The following TPP2 variants were observed in gnomAD, a reference collection of about 807,000 sequenced individuals.
TPP2 encodes the protein tripeptidyl-peptidase 2.
Under a neutral mutation model 155.9 loss-of-function variants are expected in TPP2, and 34 were observed. That is an observed-to-expected ratio of 0.22 (90% CI 0.17 to 0.29). TPP2 has a LOEUF of 0.29. TPP2 is among the 10% of genes least tolerant of loss of function. The pLI, the probability that TPP2 is intolerant of heterozygous loss-of-function variation, is 1.00. For synonymous variants in TPP2, 510 were observed against 529.4 expected (o/e 0.96, Z 0.50); for missense variants, 1,028 against 1,522.3 (o/e 0.68, Z 5.40).
intron 24 of TPP2, among the ~76,000 whole-genome samples, chr13:102,655,765 T>C (rs186186610): frequency 4.6e-5 from 7 of 152,234 alleles, no homozygotes; most frequent in African/African-American, 1.7e-4. Flanking sequence ...GTCAGTAGGC[T>C]CTGTGCTGCC....
At chr13:102,605,707 T>C (rs1365316318) in intron 2 of TPP2, among the ~76,000 whole-genome samples, 4 of 151,286 alleles carry the variant, frequency 2.6e-5, no homozygotes, top group Non-Finnish European at 5.9e-5. Context: ...GTCTTTTTTT[T>C]TTTTTTAAAC....
chr13:102,628,110 G>A (rs920987499), intron 8 of TPP2, among the ~76,000 whole-genome samples, 186 bp downstream of exon 8: 6 of 152,024 alleles, frequency 3.9e-5, no homozygotes, highest in East Asian at 1.9e-4. Context: ...GCACACCCCC[G>A]TTCCTGTGTT....
At chr13:102,619,745 ACT>A (rs773569885) in intron 5 of TPP2, among the ~76,000 whole-genome samples, 13 of 152,230 alleles carry the variant, frequency 8.5e-5, no homozygotes, top group Non-Finnish European at 1.5e-4. Context: ...ACTGCACATA[ACT>A]CTTTCAATCT....
chr13:102,671,482 A>G (rs1305937816), intron 27 of TPP2, among the ~76,000 whole-genome samples: 1 of 152,206 alleles, frequency 6.6e-6, no homozygotes, highest in Non-Finnish European at 1.5e-5. Context: ...TAGGGGAGAA[A>G]CAACAGTGGC....
At chr13:102,659,408 A>G (rs1024970552) in intron 25 of TPP2, among the ~76,000 whole-genome samples, 2 of 152,186 alleles carry the variant, frequency 1.3e-5, no homozygotes, top group Non-Finnish European at 2.9e-5. Flanking sequence ...CCACAAATAG[A>G]CATAGCATGT....
Position 102,676,415 on chromosome 13 carries a change from A to G in TPP2, c.3699A>G (p.Gln1233=), listed in dbSNP as rs1311363504. Residue 1233 remains glutamine, a splice_region_variant and synonymous_variant, in exon 29 of 30, where the codon CAA becomes CAG. Coordinates refer to ENST00000376052, the MANE Select transcript of TPP2 (RefSeq NM_001330588.2). ...PTKENWKNCI[Q]LMKLLGWTHC... The stretch of plus-strand genomic sequence containing the variant: ...AAGAAAACTGGAAAAATTGTATTCA[A>G]GTAAGTGATATTTAAAATGTCACTG... 2 of 1,608,340 alleles carry G rather than the reference A, an allele frequency of 1.2e-6. No homozygotes were observed. The highest frequency in any genetic ancestry group is 1.1e-5 in the South Asian group (1 of 90,744).
rs539700775 is a variant in TPP2 at position 102,645,655 on chromosome 13, A to G, written c.2394-639A>G. On this transcript the variant is annotated intron_variant, in intron 19 of 29. Coordinates refer to ENST00000376052, the MANE Select transcript of TPP2 (RefSeq NM_001330588.2). Reference sequence around the variant, plus strand: ...CATCCAGCTTTTGAAGATATATCCAACTTATATCATCCTGATGTTTTCTTC... The same window carrying G: ...CATCCAGCTTTTGAAGATATATCCAGCTTATATCATCCTGATGTTTTCTTC... Among the ~76,000 whole-genome samples the G allele has an allele frequency of 2.6e-5, 4 of 152,350 alleles. No homozygotes were observed. The East Asian group carries it at 7.7e-4, about 29-fold the overall frequency.
At chr13:102,647,102 TA>T in intron 20 of TPP2, 104 bp from the exon 21 acceptor site, 2 of 1,337,482 alleles carry the variant, frequency 1.5e-6, no homozygotes, top group Non-Finnish European at 9.8e-7. Context: ...CAAGTATTTT[TA>T]ATGTTTTTTA....
At chr13:102,630,786 T>TA (rs1159833194) in intron 10 of TPP2, among the ~76,000 whole-genome samples, 3 of 152,250 alleles carry the variant, frequency 2.0e-5, no homozygotes, top group African/African-American at 7.2e-5. Context: ...AATTCTTCGT[T>TA]ATATCATCAG....
intron 27 of TPP2, among the ~76,000 whole-genome samples, chr13:102,670,546 A>C (rs577099479): frequency 6.6e-6 from 1 of 152,330 alleles, no homozygotes; most frequent in South Asian, 2.1e-4. Context: ...TAGGAAAAAC[A>C]AACAATTGAA....
chr13:102,666,834 C>T (rs665416), intron 27 of TPP2, among the ~76,000 whole-genome samples: 69,229 of 135,144 alleles, frequency 0.51, 17,329 homozygotes, highest in African/African-American at 0.62. Context: ...ACTATCATGG[C>T]TATTGAAATA....
chr13:102,633,416 A>G (rs890030541), intron 10 of TPP2, among the ~76,000 whole-genome samples: 2 of 152,216 alleles, frequency 1.3e-5, no homozygotes, highest in Admixed American at 1.3e-4. Flanking sequence ...CTTTGTATCT[A>G]TTAATTACAT....
chr13:102,610,785 T>C (rs529537018), intron 2 of TPP2, among the ~76,000 whole-genome samples: 1 of 152,254 alleles, frequency 6.6e-6, no homozygotes, highest in Admixed American at 6.5e-5. Flanking sequence ...AAACCTTTTA[T>C]TGCAAAATAT....
chr13:102,668,775 G>A lies in TPP2; in HGVS notation c.3371+3850G>A, dbSNP rs187274478. On this transcript the variant is annotated intron_variant, in intron 27 of 29. Coordinates refer to ENST00000376052, the MANE Select transcript of TPP2 (RefSeq NM_001330588.2). Reference sequence around the variant, plus strand: ...ACCCAAAAGAGTTGCAGTGTACAACGGAAAGCATAGCAAGGAACAAATTAT... The same window carrying A: ...ACCCAAAAGAGTTGCAGTGTACAACAGAAAGCATAGCAAGGAACAAATTAT... Among the ~76,000 whole-genome samples, 648 of 152,272 alleles carry A rather than the reference G, an allele frequency of 4.3e-3. 3 individuals are homozygous for A. The highest frequency in any genetic ancestry group is 0.021 in the Middle Eastern group (6 of 292).
chr13:102,638,220 T>G lies in TPP2; in HGVS notation c.1837-19T>G. 3 of 1,608,886 alleles carry G rather than the reference T, an allele frequency of 1.9e-6. No individual in the cohort carries two copies. The highest frequency in any genetic ancestry group is 2.5e-6 in the Non-Finnish European group (3 of 1,178,066). ...ACATTTGTTTATGGATATTGACACT[T>G]ACCGATTCTTTTTTCAAGGTATGTG... is the stretch of plus-strand genomic sequence containing the variant. On this transcript the variant is annotated intron_variant, in intron 14 of 29. Coordinates refer to ENST00000376052, the MANE Select transcript of TPP2 (RefSeq NM_001330588.2).
chr13:102,654,043 G>T (rs1430409128), intron 24 of TPP2, among the ~76,000 whole-genome samples: 2 of 152,032 alleles, frequency 1.3e-5, no homozygotes, highest in Non-Finnish European at 2.9e-5. Context: ...CTTCTTGACT[G>T]TCTTTTTAAA....
intron 17 of TPP2, among the ~76,000 whole-genome samples, chr13:102,644,316 A>G (rs568081520): frequency 6.6e-6 from 1 of 152,326 alleles, no homozygotes; most frequent in African/African-American, 2.4e-5. Flanking sequence ...GAAGCTGCCT[A>G]GGATCTTTTA....
At chr13:102,665,477 G>A (rs747391990) in intron 27 of TPP2, among the ~76,000 whole-genome samples, 8 of 152,150 alleles carry the variant, frequency 5.3e-5, no homozygotes, top group Admixed American at 1.3e-4. Flanking sequence ...CTAATGCTGT[G>A]TGTAAATAGA....
intron 15 of TPP2, among the ~76,000 whole-genome samples, chr13:102,638,650 C>T (rs754636304): frequency 5.9e-5 from 9 of 152,208 alleles, no homozygotes; most frequent in Non-Finnish European, 1.3e-4. Flanking sequence ...TATTACTTCA[C>T]TCCCCTCCAT....
Sources: gnomAD v4.1 joint callset for allele counts (sites outside exome capture counted in the v4.1 genomes callset) on GRCh38, gnomAD v4.1.1 for gene constraint, MANE v1.5 for transcripts, NCBI Gene and HGNC (gene_info 2026-07-23, HGNC 2026-07-21) for gene names.